Variants in ABCA13 observed in about 807,000 individuals in gnomAD.
ABCA13 encodes the protein ATP-binding cassette sub-family A member 13.
ABCA13 carries 476 observed loss-of-function variants against 478.7 expected under a neutral mutation model. The observed-to-expected ratio is 0.99, with a 90% CI of 0.92 to 1.07. ABCA13 has a LOEUF of 1.07. Among genes scored for constraint, ABCA13 ranks in the 50% least tolerant of loss-of-function variants. The probability of loss-of-function intolerance (pLI) is 0.00; values close to 1 mark genes in which losing one functional copy is unlikely to be tolerated. For synonymous variants in ABCA13, 2,252 were observed against 2,158.9 expected (o/e 1.04, Z -1.20); for missense variants, 6,060 against 5,910.6 (o/e 1.03, Z -0.83).
chr7:48,435,258 T>C (rs1489436802), intron 42 of ABCA13, among the ~76,000 whole-genome samples: 1 of 151,874 alleles, frequency 6.6e-6, no homozygotes, highest in Non-Finnish European at 1.5e-5. Flanking sequence ...TTATTCTCTT[T>C]TATGTTATTG....
intron 42 of ABCA13, among the ~76,000 whole-genome samples, chr7:48,438,891 T>C (rs1485414863): frequency 1.3e-5 from 2 of 151,636 alleles, no homozygotes; most frequent in African/African-American, 4.8e-5. Context: ...AAGGTTTTTT[T>C]TTTTTTTTAA....
intron 6 of ABCA13, among the ~76,000 whole-genome samples, chr7:48,228,007 G>A (rs1788484712): frequency 1.3e-5 from 2 of 152,196 alleles, no homozygotes; most frequent in South Asian, 2.1e-4. Context: ...CCTTCCCGTG[G>A]TGGGCTTCTT....
chr7:48,452,078 T>C (rs762895190), intron 42 of ABCA13, among the ~76,000 whole-genome samples: 1 of 152,228 alleles, frequency 6.6e-6, no homozygotes, highest in African/African-American at 2.4e-5. Context: ...ATTTTTCTCA[T>C]TTATGTCCAA....
intron 38 of ABCA13, among the ~76,000 whole-genome samples, chr7:48,403,243 T>A (rs2129074245): frequency 6.6e-6 from 1 of 152,360 alleles, no homozygotes; most frequent in African/African-American, 2.4e-5. Context: ...TAGTGGACAG[T>A]GGCCAGGGAG....
Position 48,271,801 on chromosome 7 carries a change from C to T in ABCA13, c.2135C>T (p.Thr712Ile). ...TASISRALNFTKHLLMMEKKL... is the reference protein window; with the variant it reads ...TASISRALNFIKHLLMMEKKL... ...TAATATTACAGGGCTTTAAATTTCA[C>T]AAAGCACCTTCTAATGATGGAAAAG... The change falls in exon 17 of 62, where the codon ACA (threonine) becomes ATA (isoleucine). Residue 712 changes from threonine (T) to isoleucine (I), a missense_variant. By Grantham distance (89) the Thr-to-Ile change is moderately conservative (BLOSUM62 -1). Around this residue, in one of 3 missense-constraint regions of ABCA13, gnomAD observed 4,423 missense variants for 4,309.1 expected, o/e 1.03. Transcript: ENST00000435803. The T allele has an allele frequency of 6.7e-7, 1 of 1,501,642 alleles. No homozygotes were observed. The highest frequency in any genetic ancestry group is 1.4e-5 in the African/African-American group (1 of 71,314). 93.0% of individuals were successfully genotyped at this position (1,501,642 alleles called of 1,614,324 possible). A position where few individuals can be genotyped will look rare whatever the true frequency, so the allele number is the denominator to read the frequency against.
At chr7:48,365,324 T>A (rs960244145) in intron 31 of ABCA13, among the ~76,000 whole-genome samples, 2 of 152,174 alleles carry the variant, frequency 1.3e-5, no homozygotes, top group African/African-American at 4.8e-5. Flanking sequence ...TAGTCCCTTG[T>A]CAGATGGATA....
rs1815644131 is a variant in ABCA13 at position 48,389,116 on chromosome 7, A to G, written c.11550A>G (p.Glu3850=). The G allele has an allele frequency of 7.4e-6, 12 of 1,613,964 alleles. No homozygotes were observed. The highest frequency in any genetic ancestry group is 1.0e-5 in the Non-Finnish European group (12 of 1,179,866). Reference sequence around the variant, plus strand: ...TCACCCTGGTGTCTGTGACCAAGGAATATGAGGGCCACAAGGCTGTGGTCC... The same window carrying G: ...TCACCCTGGTGTCTGTGACCAAGGAGTATGAGGGCCACAAGGCTGTGGTCC... The part of the protein sequence containing the change: ...PGVTLVSVTK[E]YEGHKAVVQD... Residue 3850 remains glutamate (E), a synonymous_variant, in exon 37 of 62, where the codon GAA becomes GAG. Coordinates refer to ENST00000435803, the MANE Select transcript of ABCA13 (RefSeq NM_152701.5).
At chr7:48,624,853 C>G (rs995161989) in intron 59 of ABCA13, among the ~76,000 whole-genome samples, 1 of 152,034 alleles carries the variant, frequency 6.6e-6, no homozygotes. Flanking sequence ...AGGCACCCAG[C>G]CTGTTTGTTT....
At chr7:48,557,276 C>T (rs1362223993) in intron 55 of ABCA13, among the ~76,000 whole-genome samples, 1 of 150,014 alleles carries the variant, frequency 6.7e-6, no homozygotes, top group Non-Finnish European at 1.5e-5. Context: ...TCTGTGTGCT[C>T]ACTATTACCA....
intron 43 of ABCA13, among the ~76,000 whole-genome samples, chr7:48,466,271 A>G (rs1047085715): frequency 6.6e-6 from 1 of 152,188 alleles, no homozygotes; most frequent in Non-Finnish European, 1.5e-5. Flanking sequence ...CCCCACAGTG[A>G]CATGAATAGT....
intron 27 of ABCA13, among the ~76,000 whole-genome samples, chr7:48,326,508 C>T (rs1489139823): frequency 6.6e-6 from 1 of 152,176 alleles, no homozygotes; most frequent in Non-Finnish European, 1.5e-5. Context: ...TGCTCTAATC[C>T]TGACACCGCT....
intron 3 of ABCA13, among the ~76,000 whole-genome samples, chr7:48,213,202 C>G (rs1189326940): frequency 1.3e-5 from 2 of 152,022 alleles, no homozygotes; most frequent in East Asian, 1.9e-4. Flanking sequence ...ACATTGGGAC[C>G]TTTGTTTAAA....
chr7:48,273,842 A>G lies in ABCA13; in HGVS notation c.4176A>G (p.Lys1392=), dbSNP rs1188909382. 3.7e-6 allele frequency: 6 copies of G among 1,612,420 alleles called. No homozygotes were observed. The highest frequency in any genetic ancestry group is 2.2e-5 in the East Asian group (1 of 44,768). Residue 1392 remains lysine (K), a synonymous_variant, in exon 17 of 62, where the codon AAA becomes AAG. Coordinates refer to ENST00000435803, the MANE Select transcript of ABCA13 (RefSeq NM_152701.5). ...CTGAGAACACAATTAGCAGTCTGAA[A>G]GGATGCATTGTATGGTTAGATGTCA... ...FSSENTISSL[K]GCIVWLDVIN...
At chr7:48,481,305 T>TGGAA (rs1828733974) in intron 46 of ABCA13, among the ~76,000 whole-genome samples, 151 bp downstream of exon 46, 1 of 152,386 alleles carries the variant, frequency 6.6e-6, no homozygotes, top group Non-Finnish European at 1.5e-5. Flanking sequence ...CCCCTTCCTG[T>TGGAA]GTCCATGTTT....
At chr7:48,298,756 T>C (rs1799747525) in intron 23 of ABCA13, among the ~76,000 whole-genome samples, 1 of 152,250 alleles carries the variant, frequency 6.6e-6, no homozygotes, top group South Asian at 2.1e-4. Context: ...TTGGTGATTA[T>C]TTATTCTGTT....
intron 41 of ABCA13, among the ~76,000 whole-genome samples, chr7:48,417,070 C>T (rs146292696): frequency 1.3e-3 from 204 of 152,210 alleles, no homozygotes; most frequent in Non-Finnish European, 2.0e-3. Flanking sequence ...TGTAGTTCCT[C>T]CCCTCCCTGC....
chr7:48,209,648 A>G (rs1785367794), intron 3 of ABCA13, among the ~76,000 whole-genome samples: 1 of 152,160 alleles, frequency 6.6e-6, no homozygotes, highest in Non-Finnish European at 1.5e-5. Context: ...GTTGAAGAGG[A>G]CACACAAAAA....
intron 31 of ABCA13, among the ~76,000 whole-genome samples, chr7:48,367,084 G>T (rs572947905): frequency 6.6e-6 from 1 of 152,114 alleles, no homozygotes; most frequent in Non-Finnish European, 1.5e-5. Flanking sequence ...AGAGGGTCCA[G>T]CTTGAGGTAG....
At chr7:48,301,743 T>C (rs1332832896) in intron 23 of ABCA13, among the ~76,000 whole-genome samples, 1 of 151,944 alleles carries the variant, frequency 6.6e-6, no homozygotes, top group African/African-American at 2.4e-5. Flanking sequence ...AATCCAGGAT[T>C]CACAGAATGA....
Sources: gnomAD v4.1 joint callset for allele counts (sites outside exome capture counted in the v4.1 genomes callset) on GRCh38, gnomAD v4.1.1 for gene constraint, gnomAD v4.1.1 regional missense constraint, MANE v1.5 for transcripts, NCBI Gene and HGNC (gene_info 2026-07-23, HGNC 2026-07-21) for gene names.